Variants in GSDME observed in about 807,000 individuals in gnomAD.
GSDME encodes the protein gasdermin-E.
Under a neutral mutation model 47.5 loss-of-function variants are expected in GSDME, and 44 were observed. That is an observed-to-expected ratio of 0.93 (90% confidence interval 0.73 to 1.19). The LOEUF (loss-of-function observed/expected upper bound fraction) is 1.19, where lower values mean the gene tolerates loss of function less well. GSDME is among the 50% of genes most tolerant of loss of function. GSDME has a pLI of 0.00. For missense variants in GSDME, 663 were observed against 604.2 expected, an observed-to-expected ratio of 1.10 and a Z score of -1.02; for synonymous variants, 258 against 252.8, an observed-to-expected ratio of 1.02 and a Z score of -0.20.
rs1246681026 is a variant in GSDME, at chr7:24,733,168, G to A, written c.404+11394C>T. The stretch of plus-strand genomic sequence containing the variant: ...TGCCAGACATTTCTAGAAACACCCT[G>A]AGCCAGAATGTAACCTCCTGCCTTA... On this transcript the variant is annotated intron_variant, in intron 3 of 9. Transcript: ENST00000645220. This position sits in a 1 kb window ranked among gnomAD's most constrained non-coding sequence, Gnocchi z 4.3. Among the ~76,000 whole-genome samples, 3 of 152,076 alleles carry A rather than the reference G, an allele frequency of 2.0e-5. No individual in the cohort carries two copies. The highest frequency in any genetic ancestry group is 7.2e-5 in the African/African-American group (3 of 41,400).
chr7:24,761,982 A>G (rs927795159), upstream of GSDME, among the ~76,000 whole-genome samples: 31 of 151,986 alleles, frequency 2.0e-4, no homozygotes, highest in African/African-American at 7.5e-4. The surrounding 1 kb of genome is among the most constrained non-coding windows in gnomAD (Gnocchi z 4.4). Context: ...GGATAGGCGC[A>G]GTGGCTTCTG....
chr7:24,710,172 C>CA (rs1789289196), intron 6 of GSDME, 52 bp downstream of exon 6: 2 of 1,589,416 alleles, frequency 1.3e-6, no homozygotes, highest in Non-Finnish European at 1.7e-6. Context: ...TCTTGGGATA[C>CA]AGGGCTCAGT....
In GSDME at chr7:24,744,700, C is replaced by G; in HGVS notation, c.266G>C (p.Ser89Thr). 6.2e-7 allele frequency: 1 copy of G among 1,614,186 alleles called. No individual in the cohort carries two copies. The highest frequency in any genetic ancestry group is 1.1e-5 in the South Asian group (1 of 91,086). ...CCCCAGTGCAGTCTCCAGGGTTCCA[C>G]TCACGTGGTTTGCAAACTTGCCCTC... ...KYEGKFANHV[S>T]GTLETALGKV... Residue 89 changes from serine to threonine, a missense_variant, in exon 3 of 10, where the codon AGT becomes ACT. Physicochemically the swap from Ser to Thr is moderately conservative, Grantham distance 58. Transcript: ENST00000645220. This position sits in a 1 kb window ranked among gnomAD's most constrained non-coding sequence, Gnocchi z 4.5.
chr7:24,780,833 T>C, the GSDME span, among the ~76,000 whole-genome samples: 1 of 152,142 alleles, frequency 6.6e-6, no homozygotes, highest in Non-Finnish European at 1.5e-5. This position sits in a 1 kb window ranked among gnomAD's most constrained non-coding sequence, Gnocchi z 4.1. Flanking sequence ...AGAAGATTGG[T>C]TCTGAGTTTG....
chr7:24,730,799 CA>C (rs1483917367), intron 3 of GSDME, among the ~76,000 whole-genome samples: 15 of 152,036 alleles, frequency 9.9e-5, no homozygotes, highest in South Asian at 2.1e-4. Flanking sequence ...TGGGCAACAG[CA>C]GAGTGAGACT....
chr7:24,706,885 A>ATCCGATCATCTGAAAGC (rs1311723383), intron 7 of GSDME, among the ~76,000 whole-genome samples: 1 of 152,160 alleles, frequency 6.6e-6, no homozygotes, highest in African/African-American at 2.4e-5. Flanking sequence ...TGGTGTCCAG[A>ATCCGATCATCTGAAAGC]TCCGATCATC....
the GSDME span, among the ~76,000 whole-genome samples, chr7:24,787,314 TA>T: frequency 6.6e-6 from 1 of 152,120 alleles, no homozygotes; most frequent in Non-Finnish European, 1.5e-5. This position sits in a 1 kb window ranked among gnomAD's most constrained non-coding sequence, Gnocchi z 5.0. Context: ...ACAAAAGCAA[TA>T]AATGAAACTC....
the GSDME span, among the ~76,000 whole-genome samples, chr7:24,772,589 A>C: frequency 6.6e-6 from 1 of 152,336 alleles, no homozygotes; most frequent in East Asian, 1.9e-4. This position sits in a 1 kb window ranked among gnomAD's most constrained non-coding sequence, Gnocchi z 4.5. Flanking sequence ...GGTTAGAGTT[A>C]ACTTTCGGTT....
At chr7:24,751,350 A>G (rs1340874892) in intron 1 of GSDME, among the ~76,000 whole-genome samples, 1 of 152,158 alleles carries the variant, frequency 6.6e-6, no homozygotes, top group East Asian at 1.9e-4. Context: ...ATGCACAAGA[A>G]CTGCTTTTTA....
chr7:24,710,263 T>A lies in GSDME; in HGVS notation c.823A>T (p.Ile275Leu). 6.2e-7 allele frequency: 1 copy of A among 1,614,166 alleles called. No individual in the cohort carries two copies. The highest frequency in any genetic ancestry group is 2.2e-5 in the East Asian group (1 of 44,890). Residue 275 changes from isoleucine to leucine, a missense_variant, in exon 6 of 10, where the codon ATA (isoleucine) becomes TTA (leucine). By Grantham distance (5) the Ile-to-Leu change is conservative. Transcript: ENST00000645220. ...FIDMPDAAHG[I>L]SSQDGPLSVL... is the part of the protein sequence containing the mutation. Reference sequence around the variant, plus strand: ...CTTAATGGTCCATCCTGGGAAGATATCCCATGCGCAGCATCTGGCATGTCT... The same window carrying A: ...CTTAATGGTCCATCCTGGGAAGATAACCCATGCGCAGCATCTGGCATGTCT...
At chr7:24,779,770 G>A in the GSDME span, among the ~76,000 whole-genome samples, 2 of 152,106 alleles carry the variant, frequency 1.3e-5, no homozygotes, top group Admixed American at 6.5e-5. This position sits in a 1 kb window ranked among gnomAD's most constrained non-coding sequence, Gnocchi z 6.0. Flanking sequence ...CCTCAGGCTC[G>A]CCCCTTCTTG....
At chr7:24,749,516 G>C (rs755412241) in intron 2 of GSDME, 48 bp downstream of exon 2, 1 of 1,306,892 alleles carries the variant, frequency 7.7e-7, no homozygotes, top group East Asian at 2.3e-5. Context: ...AAAAAAAAAG[G>C]ATCATCCTTT....
At chr7:24,722,745 G>A (rs1459059510) in intron 3 of GSDME, among the ~76,000 whole-genome samples, 1 of 152,214 alleles carries the variant, frequency 6.6e-6, no homozygotes, top group African/African-American at 2.4e-5. Flanking sequence ...AGACTCCACT[G>A]CTTAAAATGC....
chr7:24,746,935 A>T (rs1167531889), intron 2 of GSDME, among the ~76,000 whole-genome samples: 1 of 152,228 alleles, frequency 6.6e-6, no homozygotes, highest in African/African-American at 2.4e-5. Context: ...CCCAGTAGAC[A>T]AAGTAGAAGA....
At chr7:24,769,819 T>A in the GSDME span, among the ~76,000 whole-genome samples, 8 of 152,140 alleles carry the variant, frequency 5.3e-5, no homozygotes, top group Non-Finnish European at 1.2e-4. Flanking sequence ...GACACAGATA[T>A]GGCAGGGATG....
At chr7:24,710,598 G>C in intron 5 of GSDME, 1 of 582,830 alleles carries the variant, frequency 1.7e-6, no homozygotes, top group South Asian at 2.0e-5. Flanking sequence ...TAAGGAAATG[G>C]CTGTTCTTAC....
At position 24,716,843 on chromosome 7, in the gene GSDME, C is replaced by A; in HGVS notation, c.697+411G>T. ...CTTCACACAGCCCTGTGAAGAAATG[C>A]CCTTCACCTTCCAGAGACAGGGAAG... On this transcript the variant is annotated intron_variant, in intron 5 of 9. Coordinates refer to ENST00000645220, the MANE Select transcript of GSDME (RefSeq NM_001127453.2). This position sits in a 1 kb window ranked among gnomAD's most constrained non-coding sequence, Gnocchi z 4.5. 1 of 289,304 alleles carries A rather than the reference C, an allele frequency of 3.5e-6. No individual in the cohort carries two copies. The highest frequency in any genetic ancestry group is 8.0e-5 in the East Asian group (1 of 12,472). The allele number at this position is 289,304 out of a possible 1,614,324, so 17.9% of individuals were successfully genotyped here.
At chr7:24,766,183 T>TGTGTGTG in the GSDME span, among the ~76,000 whole-genome samples, 1 of 144,518 alleles carries the variant, frequency 6.9e-6, no homozygotes, top group Non-Finnish European at 1.5e-5. The surrounding 1 kb of genome is among the most constrained non-coding windows in gnomAD (Gnocchi z 4.2). Context: ...ATTACATTAT[T>TGTGTGTG]TGTGTGTGTG....
chr7:24,700,662 A>AT (rs58711038), intron 9 of GSDME, among the ~76,000 whole-genome samples: 2,450 of 152,290 alleles, frequency 0.016, 79 homozygotes, highest in African/African-American at 0.057. Context: ...AACCTTGTAG[A>AT]TTCGCCAAAT....
Sources: allele counts gnomAD v4.1 joint callset (sites outside exome capture counted in the v4.1 genomes callset), GRCh38; gene constraint gnomAD v4.1.1; non-coding constraint Gnocchi (gnomAD v3.1); transcripts MANE v1.5; gene names NCBI Gene and HGNC (gene_info 2026-07-23, HGNC 2026-07-21).